RAP1GDS1: variants seen among roughly 807,000 people sequenced by gnomAD.
The protein encoded by RAP1GDS1 is RAP1, GTP-GDP dissociation stimulator 1.
RAP1GDS1 carries 35 observed loss-of-function variants against 71.1 expected under a neutral mutation model. The observed-to-expected ratio is 0.49, with a 90% CI of 0.38 to 0.65. RAP1GDS1 has a LOEUF of 0.65. Among genes scored for constraint, RAP1GDS1 ranks in the 30% least tolerant of loss-of-function variants. The pLI is 0.00. For missense variants in RAP1GDS1, 663 were observed against 706.1 expected, an observed-to-expected ratio of 0.94 and a Z score of 0.69; for synonymous variants, 229 against 243.1, an observed-to-expected ratio of 0.94 and a Z score of 0.54.
chr4:98,412,033 T>C (rs1228428813), intron 7 of RAP1GDS1, among the ~76,000 whole-genome samples: 1 of 152,174 alleles, frequency 6.6e-6, no homozygotes, highest in Non-Finnish European at 1.5e-5. Flanking sequence ...TCAGTGATCC[T>C]AGTGATTCAA....
chr4:98,342,319 A>G (rs1022838127), intron 2 of RAP1GDS1, among the ~76,000 whole-genome samples: 18 of 152,326 alleles, frequency 1.2e-4, no homozygotes, highest in African/African-American at 4.1e-4. Context: ...ACAAATTTCA[A>G]TTGAATGTTT....
chr4:98,355,072 A>G (rs1275321380), intron 4 of RAP1GDS1, among the ~76,000 whole-genome samples: 1 of 152,220 alleles, frequency 6.6e-6, no homozygotes, highest in African/African-American at 2.4e-5. Flanking sequence ...AATTACAAGA[A>G]TAATATAAAA....
intron 2 of RAP1GDS1, among the ~76,000 whole-genome samples, chr4:98,325,060 C>T (rs1578444317): frequency 6.6e-6 from 1 of 150,964 alleles, no homozygotes; most frequent in African/African-American, 2.4e-5. Context: ...ACAATGAACT[C>T]AAACAAATTT....
chr4:98,326,237 G>A (rs966064149), intron 2 of RAP1GDS1, among the ~76,000 whole-genome samples: 2 of 152,078 alleles, frequency 1.3e-5, no homozygotes, highest in African/African-American at 4.8e-5. Flanking sequence ...AGTTAACGCA[G>A]CCAATATCTT....
At chr4:98,421,922 GCGTGGTGGCTGACACCTGTAAT>G (rs1462346722) in intron 12 of RAP1GDS1, among the ~76,000 whole-genome samples, 1 of 152,004 alleles carries the variant, frequency 6.6e-6, no homozygotes, top group Non-Finnish European at 1.5e-5. Flanking sequence ...TTCTTGTTGG[GCGTGGTGGCTGACACCTGTAAT>G]CCCAGCACTT....
chr4:98,273,314 C>T (rs1289445021), intron 1 of RAP1GDS1, among the ~76,000 whole-genome samples: 5 of 152,054 alleles, frequency 3.3e-5, no homozygotes, highest in African/African-American at 4.8e-5. Context: ...AGAATGTATT[C>T]GAGCATCTAA....
intron 2 of RAP1GDS1, among the ~76,000 whole-genome samples, chr4:98,302,117 A>C (rs1728657570): frequency 6.6e-6 from 1 of 152,222 alleles, no homozygotes; most frequent in Non-Finnish European, 1.5e-5. Context: ...AGAAAATAAG[A>C]ATAAAAACAT....
intron 2 of RAP1GDS1, among the ~76,000 whole-genome samples, chr4:98,319,984 G>A (rs1013649071): frequency 2.6e-5 from 4 of 152,054 alleles, no homozygotes; most frequent in African/African-American, 4.8e-5. Context: ...TGCAAAGACC[G>A]TGAGGATGAA....
At chr4:98,325,673 C>CA (rs1454659549) in intron 2 of RAP1GDS1, among the ~76,000 whole-genome samples, 7 of 147,768 alleles carry the variant, frequency 4.7e-5, no homozygotes, top group African/African-American at 1.5e-4. Flanking sequence ...ATCGCAAGAA[C>CA]AAAAAACCAA....
chr4:98,325,009 C>T (rs1337058748), intron 2 of RAP1GDS1, among the ~76,000 whole-genome samples: 1,809 of 149,536 alleles, frequency 0.012, 27 homozygotes, highest in African/African-American at 0.043. Context: ...AGAAAATTTT[C>T]GCAACCTACT....
chr4:98,385,399 T>C (rs1742599048), intron 5 of RAP1GDS1, among the ~76,000 whole-genome samples: 4 of 151,740 alleles, frequency 2.6e-5, no homozygotes, highest in Admixed American at 1.3e-4. Flanking sequence ...CCAGAAATGA[T>C]GTTGAAGTAA....
At chr4:98,311,748 C>T (rs980609983) in intron 2 of RAP1GDS1, among the ~76,000 whole-genome samples, 8 of 152,170 alleles carry the variant, frequency 5.3e-5, no homozygotes, top group Non-Finnish European at 1.2e-4. Context: ...GCAGTCCTCC[C>T]ACCTCAGCTT....
At chr4:98,347,330 A>T (rs1736437052) in intron 3 of RAP1GDS1, among the ~76,000 whole-genome samples, 1 of 152,182 alleles carries the variant, frequency 6.6e-6, no homozygotes, top group African/African-American at 2.4e-5. Flanking sequence ...GTAAAGCGTT[A>T]ACACTCTAAA....
At chr4:98,384,426 CAGTT>C (rs1280190228) in intron 5 of RAP1GDS1, among the ~76,000 whole-genome samples, 6 of 151,584 alleles carry the variant, frequency 4.0e-5, no homozygotes, top group Non-Finnish European at 8.9e-5. Flanking sequence ...GCTTTCTAGT[CAGTT>C]TGCTGAAAAA....
intron 2 of RAP1GDS1, among the ~76,000 whole-genome samples, chr4:98,327,744 G>A: frequency 6.6e-6 from 1 of 152,174 alleles, no homozygotes; most frequent in East Asian, 1.9e-4. Context: ...AGGGTGATTG[G>A]TGACCAGGAA....
intron 5 of RAP1GDS1, among the ~76,000 whole-genome samples, chr4:98,383,788 C>T (rs1052552020): frequency 1.3e-5 from 2 of 151,526 alleles, no homozygotes; most frequent in Non-Finnish European, 3.0e-5. Context: ...GCAACAATTT[C>T]TTAGTTCATA....
intron 12 of RAP1GDS1, among the ~76,000 whole-genome samples, chr4:98,421,986 A>G (rs980672974): frequency 6.6e-6 from 1 of 151,950 alleles, no homozygotes; most frequent in African/African-American, 2.4e-5. Context: ...TCATGAGGTC[A>G]GGAGATCAAG....
At chr4:98,365,999 C>T (rs1739435978) in intron 4 of RAP1GDS1, among the ~76,000 whole-genome samples, 1 of 152,184 alleles carries the variant, frequency 6.6e-6, no homozygotes, top group Non-Finnish European at 1.5e-5. Context: ...AGATTCTTTA[C>T]TCAGAATGTT....
chr4:98,428,916 T>C (rs929780132), intron 12 of RAP1GDS1, among the ~76,000 whole-genome samples: 2 of 151,986 alleles, frequency 1.3e-5, no homozygotes, highest in African/African-American at 2.4e-5. Flanking sequence ...CAATTCACAA[T>C]TGGAAAAATG....
Sources: allele counts gnomAD v4.1 joint callset (sites outside exome capture counted in the v4.1 genomes callset), GRCh38; gene constraint gnomAD v4.1.1; transcripts MANE v1.5; gene names NCBI Gene and HGNC (gene_info 2026-07-23, HGNC 2026-07-21).